BTBD9: variants seen among roughly 807,000 people sequenced by gnomAD.
The protein encoded by BTBD9 is BTB domain containing 9, also known as BTB/POZ domain-containing protein 9.
In BTBD9, 49 loss-of-function variants were observed where a neutral mutation model predicts 64.3. The ratio of observed to expected loss-of-function variants is 0.76; its 90% confidence interval spans 0.61 to 0.97. The LOEUF (loss-of-function observed/expected upper bound fraction) is 0.97, where lower values mean the gene tolerates loss of function less well. Among genes scored for constraint, BTBD9 ranks in the 50% least tolerant of loss-of-function variants. The pLI is 0.00. For missense variants in BTBD9, 598 were observed against 762.1 expected (o/e 0.78, Z 2.53); for synonymous variants, 260 against 274.7 (o/e 0.95, Z 0.53).
At chr6:38,193,894 G>A (rs1762185228) in intron 9 of BTBD9, 1 of 985,188 alleles carries the variant, frequency 1.0e-6, no homozygotes, top group Non-Finnish European at 1.2e-6. Flanking sequence ...CTGCTGCCTG[G>A]ACACCAGTCC....
intron 6 of BTBD9, among the ~76,000 whole-genome samples, chr6:38,394,080 T>C (rs1452787530): frequency 1.3e-5 from 2 of 152,140 alleles, no homozygotes; most frequent in Non-Finnish European, 2.9e-5. Context: ...CCAGCAACTA[T>C]TTACTGAGAA....
At chr6:38,587,960 AT>A in intron 4 of BTBD9, 1 of 733,474 alleles carries the variant, frequency 1.4e-6, no homozygotes, top group Non-Finnish European at 2.6e-6. Flanking sequence ...ATCTGACAGC[AT>A]TGCCGCCTCC....
At chr6:38,585,478 TA>T (rs1303795718) in intron 4 of BTBD9, among the ~76,000 whole-genome samples, 2 of 152,008 alleles carry the variant, frequency 1.3e-5, no homozygotes, top group Admixed American at 6.6e-5. Context: ...CCAGCTAATT[TA>T]AAAAAAATTT....
At chr6:38,176,301 C>T (rs1248967253) in intron 10 of BTBD9, among the ~76,000 whole-genome samples, 8 of 152,206 alleles carry the variant, frequency 5.3e-5, no homozygotes, top group African/African-American at 1.4e-4. Flanking sequence ...ATAAATTCCA[C>T]GCTTACCTCC....
At chr6:38,392,254 G>A (rs1766452287) in intron 6 of BTBD9, among the ~76,000 whole-genome samples, 1 of 151,330 alleles carries the variant, frequency 6.6e-6, no homozygotes. Context: ...AGTCAAAGAA[G>A]AAAAGGGAAT....
At chr6:38,182,090 G>A (rs1761582472) in intron 10 of BTBD9, among the ~76,000 whole-genome samples, 1 of 152,196 alleles carries the variant, frequency 6.6e-6, no homozygotes, top group South Asian at 2.1e-4. Context: ...ATTGCTTAGG[G>A]TGATAGGATA....
intron 6 of BTBD9, among the ~76,000 whole-genome samples, chr6:38,399,744 T>C (rs1166985038): frequency 6.6e-6 from 1 of 152,040 alleles, no homozygotes; most frequent in Admixed American, 6.6e-5. Flanking sequence ...TTTCTTTCTT[T>C]CTTTGTGGTT....
chr6:38,402,858 A>T (rs1766995948), intron 6 of BTBD9: 1 of 701,028 alleles, frequency 1.4e-6, no homozygotes, highest in Non-Finnish European at 2.6e-6. Context: ...GCTTGAGCTC[A>T]GGAGTTCGAG....
At chr6:38,178,884 C>G (rs1031159153) in intron 10 of BTBD9, among the ~76,000 whole-genome samples, 1 of 151,740 alleles carries the variant, frequency 6.6e-6, no homozygotes, top group Non-Finnish European at 1.5e-5. Flanking sequence ...GACAGAGTCT[C>G]GCTCTGTCGC....
At chr6:38,343,914 C>T (rs1764190435) in intron 7 of BTBD9, among the ~76,000 whole-genome samples, 1 of 152,158 alleles carries the variant, frequency 6.6e-6, no homozygotes, top group Non-Finnish European at 1.5e-5. Flanking sequence ...AGTTAATAAA[C>T]ATTTGCAAGT....
chr6:38,474,904 A>G (rs1217885107), intron 6 of BTBD9, among the ~76,000 whole-genome samples: 1 of 152,202 alleles, frequency 6.6e-6, no homozygotes, highest in Non-Finnish European at 1.5e-5. Flanking sequence ...AAAAATCTCA[A>G]TCAGATAAAT....
chr6:38,427,302 CA>C (rs1179089909), intron 6 of BTBD9, among the ~76,000 whole-genome samples: 2 of 151,682 alleles, frequency 1.3e-5, no homozygotes, highest in African/African-American at 4.9e-5. Context: ...CCAGCCTGGG[CA>C]ACACAGCAAG....
intron 7 of BTBD9, among the ~76,000 whole-genome samples, chr6:38,303,874 T>TATATATACAC (rs368257334): frequency 0.011 from 895 of 82,320 alleles, 11 homozygotes; most frequent in African/African-American, 0.035. Flanking sequence ...TATATATATA[T>TATATATACAC]ACACACACAC....
At chr6:38,310,878 T>C (rs1320945422) in intron 7 of BTBD9, among the ~76,000 whole-genome samples, 1 of 152,218 alleles carries the variant, frequency 6.6e-6, no homozygotes, top group African/African-American at 2.4e-5. Flanking sequence ...TGGCGTGATC[T>C]TGACTCACTG....
chr6:38,529,613 G>C (rs967544107), intron 6 of BTBD9, among the ~76,000 whole-genome samples: 1 of 152,214 alleles, frequency 6.6e-6, no homozygotes, highest in Non-Finnish European at 1.5e-5. Flanking sequence ...CCCGAACAGA[G>C]GGACTGGCTG....
At chr6:38,183,286 T>G (rs1030231522) in intron 10 of BTBD9, among the ~76,000 whole-genome samples, 7 of 152,230 alleles carry the variant, frequency 4.6e-5, no homozygotes, top group African/African-American at 1.4e-4. Flanking sequence ...CTAAAAGGTC[T>G]TCTTTTATAA....
chr6:38,252,856 C>T (rs1010963532), intron 9 of BTBD9, among the ~76,000 whole-genome samples: 2 of 152,192 alleles, frequency 1.3e-5, no homozygotes, highest in Non-Finnish European at 2.9e-5. Flanking sequence ...CCTGTAATCC[C>T]AGCACTATGG....
chr6:38,328,087 A>G (rs1277984424), intron 7 of BTBD9, among the ~76,000 whole-genome samples: 1 of 152,264 alleles, frequency 6.6e-6, no homozygotes, highest in Non-Finnish European at 1.5e-5. Context: ...AGTAACACAT[A>G]TTCACTGAAA....
At chr6:38,633,389 T>C (rs552452023) in intron 1 of BTBD9, among the ~76,000 whole-genome samples, 1 of 152,336 alleles carries the variant, frequency 6.6e-6, no homozygotes, top group African/African-American at 2.4e-5. Context: ...GGAGATAATG[T>C]CAAATTGACA....
Sources: gnomAD v4.1 joint callset for allele counts (sites outside exome capture counted in the v4.1 genomes callset) on GRCh38, gnomAD v4.1.1 for gene constraint, MANE v1.5 for transcripts, NCBI Gene and HGNC (gene_info 2026-07-23, HGNC 2026-07-21) for gene names.